SYNE2: variants seen among roughly 807,000 people sequenced by gnomAD.
SYNE2 encodes spectrin repeat containing nuclear envelope protein 2.
SYNE2 carries 431 observed loss-of-function variants against 856.3 expected under a neutral mutation model. The ratio of observed to expected loss-of-function variants is 0.50; its 90% CI spans 0.47 to 0.55. The LOEUF (loss-of-function observed/expected upper bound fraction) is 0.55, where lower values mean the gene tolerates loss of function less well. Among genes scored for constraint, SYNE2 ranks in the 20% least tolerant of loss-of-function variants. SYNE2 has a pLI of 0.00. For missense variants in SYNE2, 8,129 were observed against 8,023.2 expected (o/e 1.01, Z -0.50); for synonymous variants, 2,923 against 2,872.3 (o/e 1.02, Z -0.56).
chr14:64,007,774 G>T (rs1167579840), intron 31 of SYNE2, among the ~76,000 whole-genome samples: 1 of 152,162 alleles, frequency 6.6e-6, no homozygotes, highest in Non-Finnish European at 1.5e-5. Context: ...ACTTTGGGAG[G>T]CTGGGGTGGC....
chr14:63,777,216 TGC>T (rs1887143649), intron 1 of SYNE2, among the ~76,000 whole-genome samples: 2 of 152,232 alleles, frequency 1.3e-5, no homozygotes, highest in African/African-American at 4.8e-5. Context: ...TGCCCTTGAC[TGC>T]TATGACAGAA....
chr14:64,162,245 A>G lies in SYNE2; in HGVS notation c.16268A>G (p.Glu5423Gly). 1 of 1,614,236 alleles carries G rather than the reference A, an allele frequency of 6.2e-7. No homozygotes were observed. Among genetic ancestry groups the G allele is most frequent in the Non-Finnish European group, 8.5e-7 (1 of 1,180,020 alleles). Residue 5423 changes from glutamate to glycine, a missense_variant, in exon 88 of 116, where the codon GAG becomes GGG. By Grantham distance (98) the Glu-to-Gly change is moderately conservative. This residue lies in a region of SYNE2 where 5,410 missense variants were observed against 5,284.8 expected (regional missense o/e 1.02). Coordinates refer to ENST00000555002, the MANE Select transcript of SYNE2 (RefSeq NM_182914.3). ...NISMSGNNLA[E>G]ILPPALQDIK... is the part of the protein sequence containing the mutation. ...AGCATGTCTGGAAACAACCTGGCAGAGATCCTGCCCCCAGCCCTGCAGGAC... is the reference window on the plus strand; with the variant it reads ...AGCATGTCTGGAAACAACCTGGCAGGGATCCTGCCCCCAGCCCTGCAGGAC...
In SYNE2 at chr14:64,208,820, C is replaced by T. The variant is rs182985921; in HGVS notation, c.18264C>T (p.Asp6088=). ...AGVESVFNIC[D]VLLHDSDACA... is the part of the protein sequence containing the mutation. ...TGGAGTCCGTGTTTAACATCTGTGA[C>T]GTCCTACTGCACGACTCCGATGCCT... Residue 6088 remains aspartate, a synonymous_variant, in exon 101 of 116, where the codon GAC becomes GAT. Coordinates refer to ENST00000555002, the MANE Select transcript of SYNE2 (RefSeq NM_182914.3). 151 of 1,614,210 alleles carry T rather than the reference C, an allele frequency of 9.4e-5. 1 individual carries two copies. In the East Asian group the frequency reaches 2.7e-3, roughly 29 times the overall value.
intron 2 of SYNE2, among the ~76,000 whole-genome samples, chr14:63,937,042 A>G (rs1408441427): frequency 1.3e-5 from 2 of 152,186 alleles, no homozygotes; most frequent in Non-Finnish European, 1.5e-5. Flanking sequence ...ATGATCATCT[A>G]TATCAGATGC....
intron 65 of SYNE2, among the ~76,000 whole-genome samples, chr14:64,112,477 A>G (rs1006175760): frequency 2.0e-5 from 3 of 152,230 alleles, no homozygotes; most frequent in African/African-American, 7.2e-5. Flanking sequence ...AGGTAAATAC[A>G]TCTCTCTATC....
intron 56 of SYNE2, among the ~76,000 whole-genome samples, chr14:64,080,910 G>A (rs543267664): frequency 6.6e-6 from 1 of 152,264 alleles, no homozygotes; most frequent in Admixed American, 6.5e-5. Flanking sequence ...TCCCCAACAG[G>A]TGGATAAAGA....
intron 22 of SYNE2, among the ~76,000 whole-genome samples, chr14:63,994,372 C>G (rs1423374869): frequency 6.6e-6 from 1 of 152,096 alleles, no homozygotes; most frequent in African/African-American, 2.4e-5. Flanking sequence ...ATGTGTGTGT[C>G]TATATATCTA....
chr14:63,958,520 C>G (rs1433666187), intron 8 of SYNE2, among the ~76,000 whole-genome samples: 2 of 152,144 alleles, frequency 1.3e-5, no homozygotes, highest in African/African-American at 4.8e-5. Flanking sequence ...CTCATCACAT[C>G]CTTTCAAGGG....
At chr14:64,124,377 A>AT (rs372149959) in intron 70 of SYNE2, among the ~76,000 whole-genome samples, 5,736 of 130,032 alleles carry the variant, frequency 0.044, 322 homozygotes, top group African/African-American at 0.14. Flanking sequence ...TTTTTGTATA[A>AT]TTTTTTTTTT....
chr14:64,152,585 A>G lies in SYNE2; in HGVS notation c.15661A>G (p.Ile5221Val), dbSNP rs2153704578. The stretch of plus-strand genomic sequence containing the variant: ...CCAGGATATAGAAAATCAACTTGCA[A>G]TTAAATCCAAAGCACTAGATGAGTT... ...DCQDIENQLA[I>V]KSKALDELKQ... The change falls in exon 85 of 116, where the codon ATT becomes GTT. Residue 5221 changes from isoleucine (I) to valine (V), a missense_variant. By Grantham distance (29) the Ile-to-Val change is conservative (BLOSUM62 3). Coordinates refer to ENST00000555002, the MANE Select transcript of SYNE2 (RefSeq NM_182914.3). The G allele has an allele frequency of 1.2e-6, 2 of 1,614,102 alleles. No individual in the cohort carries two copies. The highest frequency in any genetic ancestry group is 1.7e-6 in the Non-Finnish European group (2 of 1,179,988).
At position 63,980,750 on chromosome 14, in the gene SYNE2, C is replaced by T. The variant is rs150953678; in HGVS notation, c.1648+18C>T. On this transcript the variant is annotated intron_variant, in intron 15 of 115. Transcript: ENST00000555002. ...GAATTTGGGTAAAGTGGTTCAGTTA[C>T]TTTCTGATGGAATGACTGTCACTTA... 457 of 1,491,744 alleles carry T rather than the reference C, an allele frequency of 3.1e-4. 3 individuals are homozygous for T. In the African/African-American group the frequency reaches 5.8e-3, roughly 19 times the overall value. The allele number at this position is 1,491,744 out of a possible 1,614,324, so 92.4% of individuals were successfully genotyped here.
chr14:64,224,341 A>G, intron 113 of SYNE2, 120 bp from the exon 114 acceptor site: 1 of 973,834 alleles, frequency 1.0e-6, no homozygotes. Context: ...ACACAGTGAG[A>G]CTGTCTAAAA....
chr14:63,779,368 A>C (rs943050926), intron 1 of SYNE2, among the ~76,000 whole-genome samples: 1 of 150,190 alleles, frequency 6.7e-6, no homozygotes, highest in Non-Finnish European at 1.5e-5. Context: ...AAAATCAGTA[A>C]TCTAAATTTC....
At chr14:63,990,752 CATAGT>C (rs1223919867) in intron 20 of SYNE2, among the ~76,000 whole-genome samples, 183 bp downstream of exon 20, 4 of 151,896 alleles carry the variant, frequency 2.6e-5, no homozygotes, top group Non-Finnish European at 5.9e-5. Context: ...TCATAAGTAT[CATAGT>C]ATATAAGTAT....
chr14:64,100,699 A>G (rs1175689859), intron 63 of SYNE2, among the ~76,000 whole-genome samples: 1 of 149,404 alleles, frequency 6.7e-6, no homozygotes, highest in Non-Finnish European at 1.5e-5. Context: ...CTTAAAATCT[A>G]CTCTCTTCAT....
intron 1 of SYNE2, among the ~76,000 whole-genome samples, chr14:63,778,009 G>A (rs1468474530): frequency 6.6e-6 from 1 of 152,104 alleles, no homozygotes; most frequent in East Asian, 1.9e-4. Flanking sequence ...TGAAAAAACA[G>A]TAACTATGTG....
At chr14:63,868,041 CT>C (rs1895880601) in intron 1 of SYNE2, among the ~76,000 whole-genome samples, 1 of 151,858 alleles carries the variant, frequency 6.6e-6, no homozygotes, top group South Asian at 2.1e-4. Context: ...CAGAGTAAGA[CT>C]GTCTAAAAAA....
chr14:63,977,934 G>T lies in SYNE2; in HGVS notation c.1323G>T (p.Ser441=), dbSNP rs765911939. Residue 441 remains serine, a synonymous_variant, in exon 13 of 116, where the codon TCG becomes TCT. Coordinates refer to ENST00000555002, the MANE Select transcript of SYNE2 (RefSeq NM_182914.3). ...KSLMDRFEHH[S]NILLTFENKD... ...TGATGGATAGATTTGAGCATCATTC[G>T]AACATTCTCCTTACCTTTGAAAATA... is the stretch of plus-strand genomic sequence containing the variant. The T allele has an allele frequency of 1.2e-6, 2 of 1,613,676 alleles. No individual in the cohort carries two copies. Among genetic ancestry groups the T allele is most frequent in the South Asian group, 2.2e-5 (2 of 91,034 alleles).
chr14:64,049,191 C>T (rs956825470), intron 46 of SYNE2: 1 of 152,420 alleles, frequency 6.6e-6, no homozygotes, highest in Non-Finnish European at 1.5e-5. Context: ...TGGCTGTCAT[C>T]CCAGTCCTTT....
Sources: allele counts gnomAD v4.1 joint callset (sites outside exome capture counted in the v4.1 genomes callset), GRCh38; gene constraint gnomAD v4.1.1; regional missense constraint gnomAD v4.1.1; transcripts MANE v1.5; gene names NCBI Gene and HGNC (gene_info 2026-07-23, HGNC 2026-07-21).